Variants in CSNK2A2IP observed in about 807,000 individuals in gnomAD.
CSNK2A2IP encodes casein kinase 2 subunit alpha' interacting protein.
the CSNK2A2IP span, among the ~76,000 whole-genome samples, chr3:88,437,614 G>C: frequency 0.36 from 54,708 of 151,842 alleles, 11,101 homozygotes; most frequent in Non-Finnish European, 0.47. Flanking sequence ...AACTTTTTTT[G>C]CAAGTCATAA....
At chr3:88,442,319 C>T in the CSNK2A2IP span, among the ~76,000 whole-genome samples, 3 of 152,246 alleles carry the variant, frequency 2.0e-5, no homozygotes, top group East Asian at 3.9e-4. Flanking sequence ...GGATCACGAG[C>T]ACAAACCACT....
At chr3:88,367,913 C>T in the CSNK2A2IP span, among the ~76,000 whole-genome samples, 2 of 152,034 alleles carry the variant, frequency 1.3e-5, no homozygotes, top group African/African-American at 2.4e-5. Context: ...GATTTGTTAT[C>T]AGGAATTTGA....
the CSNK2A2IP span, among the ~76,000 whole-genome samples, chr3:88,367,192 T>TA: frequency 2.0e-5 from 3 of 152,090 alleles, no homozygotes; most frequent in Non-Finnish European, 4.4e-5. Context: ...TCCCTCATTG[T>TA]TATCAAAAGG....
the CSNK2A2IP span, among the ~76,000 whole-genome samples, chr3:88,455,553 A>ATT: frequency 2.9e-3 from 437 of 151,660 alleles, 2 homozygotes; most frequent in African/African-American, 9.8e-3. Context: ...TCAATTGGCT[A>ATT]TTTTTTTCTA....
chr3:88,376,398 T>C, the CSNK2A2IP span, among the ~76,000 whole-genome samples: 2 of 151,788 alleles, frequency 1.3e-5, no homozygotes, highest in African/African-American at 4.8e-5. Context: ...TGAGGACTTT[T>C]GATCTTAGTT....
At chr3:88,389,256 T>C in the CSNK2A2IP span, among the ~76,000 whole-genome samples, 1 of 150,398 alleles carries the variant, frequency 6.6e-6, no homozygotes, top group Non-Finnish European at 1.5e-5. Flanking sequence ...ACTCTGCCAA[T>C]GTGAGAAAAT....
the CSNK2A2IP span, among the ~76,000 whole-genome samples, chr3:88,383,661 T>C: frequency 5.1e-5 from 6 of 117,886 alleles, no homozygotes; most frequent in Non-Finnish European, 1.2e-4. Context: ...CTTTTTTTTT[T>C]TTTTTTTTTT....
the CSNK2A2IP span, among the ~76,000 whole-genome samples, chr3:88,340,534 G>A: frequency 1.3e-5 from 2 of 151,872 alleles, no homozygotes; most frequent in Non-Finnish European, 2.9e-5. Flanking sequence ...CCCTGTCATT[G>A]TGTTCTTCTA....
At chr3:88,344,732 A>G in the CSNK2A2IP span, among the ~76,000 whole-genome samples, 3 of 152,064 alleles carry the variant, frequency 2.0e-5, no homozygotes, top group East Asian at 5.8e-4. Context: ...ATTGTAATAA[A>G]CTAATAATAA....
the CSNK2A2IP span, among the ~76,000 whole-genome samples, chr3:88,367,103 A>G: frequency 6.6e-6 from 1 of 152,154 alleles, no homozygotes; most frequent in Non-Finnish European, 1.5e-5. Flanking sequence ...GTGGGGACAC[A>G]GCCAAACCAT....
At chr3:88,382,629 C>T in the CSNK2A2IP span, 3 of 151,996 alleles carry the variant, frequency 2.0e-5, no homozygotes, top group Non-Finnish European at 4.4e-5. Flanking sequence ...TATTTCTGGA[C>T]AAAAACAAAC....
the CSNK2A2IP span, chr3:88,467,411 A>G: frequency 1.3e-5 from 5 of 398,600 alleles, no homozygotes; most frequent in East Asian, 1.8e-4. Flanking sequence ...TCCTGGCTTG[A>G]GTTTATATAT....
At chr3:88,387,692 T>C in the CSNK2A2IP span, among the ~76,000 whole-genome samples, 1 of 152,198 alleles carries the variant, frequency 6.6e-6, no homozygotes, top group Admixed American at 6.5e-5. Context: ...TTCTAGCATA[T>C]ATCAAAAATA....
At chr3:88,423,863 C>T in the CSNK2A2IP span, among the ~76,000 whole-genome samples, 20 of 152,198 alleles carry the variant, frequency 1.3e-4, no homozygotes, top group South Asian at 2.1e-4. Context: ...GAAGTAATCC[C>T]AGGAAAAGGG....
At chr3:88,437,659 A>G in the CSNK2A2IP span, among the ~76,000 whole-genome samples, 1 of 152,214 alleles carries the variant, frequency 6.6e-6, no homozygotes, top group African/African-American at 2.4e-5. Flanking sequence ...AATTAAAAAA[A>G]TCTTGGCATA....
At chr3:88,428,484 C>T in the CSNK2A2IP span, among the ~76,000 whole-genome samples, 3 of 152,102 alleles carry the variant, frequency 2.0e-5, no homozygotes, top group Non-Finnish European at 1.5e-5. Context: ...TCTGTGTCCC[C>T]ACCCAGATCT....
chr3:88,415,146 T>C, the CSNK2A2IP span, among the ~76,000 whole-genome samples: 2 of 152,124 alleles, frequency 1.3e-5, no homozygotes, highest in East Asian at 3.9e-4. Context: ...ATGTTCTTTT[T>C]TCTTTTTCTC....
chr3:88,365,494 G>A, the CSNK2A2IP span, among the ~76,000 whole-genome samples: 1 of 152,122 alleles, frequency 6.6e-6, no homozygotes, highest in East Asian at 1.9e-4. Context: ...TTATGGGTAA[G>A]GAAACATTCC....
chr3:88,451,014 C>A, the CSNK2A2IP span, among the ~76,000 whole-genome samples: 1 of 151,976 alleles, frequency 6.6e-6, no homozygotes, highest in East Asian at 1.9e-4. Context: ...AACATTTGTT[C>A]AATCTTTTGA....
Sources: allele counts gnomAD v4.1 joint callset (sites outside exome capture counted in the v4.1 genomes callset), GRCh38; gene constraint gnomAD v4.1.1; transcripts MANE v1.5; gene names NCBI Gene and HGNC (gene_info 2026-07-23, HGNC 2026-07-21).